GPC5: variants seen among roughly 807,000 people sequenced by gnomAD.
The protein encoded by GPC5 is glypican 5, also known as glypican-5.
Under a neutral mutation model 53.9 loss-of-function variants are expected in GPC5, and 47 were observed. The observed-to-expected ratio is 0.87, with a 90% CI of 0.69 to 1.11. GPC5 has a LOEUF of 1.11. GPC5 is among the 50% of genes most tolerant of loss of function. The probability of loss-of-function intolerance (pLI) is 0.00; values close to 1 mark genes in which losing one functional copy is unlikely to be tolerated. For missense variants in GPC5, 748 were observed against 713.1 expected, an observed-to-expected ratio of 1.05 and a Z score of -0.56; for synonymous variants, 286 against 263.3, an observed-to-expected ratio of 1.09 and a Z score of -0.84.
chr13:91,458,702 TATCTA>T (rs1728964322), intron 2 of GPC5, among the ~76,000 whole-genome samples: 1 of 152,146 alleles, frequency 6.6e-6, no homozygotes, highest in East Asian at 1.9e-4. Flanking sequence ...CACTACTGGA[TATCTA>T]TCCAGAGGAA....
At chr13:91,975,345 G>T (rs1358018923) in intron 6 of GPC5, among the ~76,000 whole-genome samples, 2 of 152,100 alleles carry the variant, frequency 1.3e-5, no homozygotes, top group African/African-American at 4.8e-5. Flanking sequence ...CCTACAAAAT[G>T]GGAGAAAATT....
At chr13:92,395,422 G>C (rs1875223737) in intron 7 of GPC5, among the ~76,000 whole-genome samples, 1 of 152,036 alleles carries the variant, frequency 6.6e-6, no homozygotes, top group African/African-American at 2.4e-5. Flanking sequence ...TAGCACTGTT[G>C]TCATTTATTT....
At chr13:92,443,195 C>T (rs930770431) in intron 7 of GPC5, among the ~76,000 whole-genome samples, 5 of 152,132 alleles carry the variant, frequency 3.3e-5, no homozygotes, top group East Asian at 1.9e-4. Flanking sequence ...CTCTTTCTAA[C>T]AGTGAGCTCT....
chr13:92,094,943 T>C (rs2041410463), intron 6 of GPC5, among the ~76,000 whole-genome samples: 1 of 152,168 alleles, frequency 6.6e-6, no homozygotes, highest in Non-Finnish European at 1.5e-5. Flanking sequence ...TTTTATTCCA[T>C]ATTCCCATTT....
chr13:92,432,690 T>C (rs1402146323), intron 7 of GPC5, among the ~76,000 whole-genome samples: 1 of 152,024 alleles, frequency 6.6e-6, no homozygotes, highest in African/African-American at 2.4e-5. Flanking sequence ...CTAGTTTTTT[T>C]TTAGCTTCAG....
chr13:92,492,269 T>A (rs1403461239), intron 7 of GPC5, among the ~76,000 whole-genome samples: 2 of 151,960 alleles, frequency 1.3e-5, no homozygotes, highest in African/African-American at 4.8e-5. Context: ...ACACATTAAT[T>A]TTCTTTTTTT....
At chr13:92,621,957 A>G (rs1246090546) in intron 7 of GPC5, among the ~76,000 whole-genome samples, 1 of 152,176 alleles carries the variant, frequency 6.6e-6, no homozygotes, top group East Asian at 1.9e-4. Flanking sequence ...AATAATAATA[A>G]TAGAACATAC....
intron 7 of GPC5, among the ~76,000 whole-genome samples, chr13:92,213,331 CAG>C (rs1218362902): frequency 1.3e-5 from 2 of 152,030 alleles, no homozygotes; most frequent in South Asian, 2.1e-4. Context: ...CTTGGGAAGA[CAG>C]ATTTTATTTC....
At chr13:91,994,185 A>G (rs1156462313) in intron 6 of GPC5, among the ~76,000 whole-genome samples, 8 of 152,228 alleles carry the variant, frequency 5.3e-5, no homozygotes, top group Non-Finnish European at 1.0e-4. Flanking sequence ...GAAAACTGCA[A>G]GTGAATATGC....
At chr13:92,316,455 A>C (rs796489060) in intron 7 of GPC5, among the ~76,000 whole-genome samples, 2 of 152,262 alleles carry the variant, frequency 1.3e-5, no homozygotes, top group African/African-American at 4.8e-5. Flanking sequence ...CTTGGCTTTC[A>C]GTATAATTAC....
chr13:91,968,466 T>C (rs1566369128), intron 6 of GPC5, among the ~76,000 whole-genome samples: 1 of 152,128 alleles, frequency 6.6e-6, no homozygotes, highest in Non-Finnish European at 1.5e-5. Context: ...TCTTTTTTTT[T>C]CTTTTTTTGT....
intron 7 of GPC5, among the ~76,000 whole-genome samples, chr13:92,635,232 C>T (rs980128010): frequency 2.0e-5 from 3 of 152,030 alleles, no homozygotes; most frequent in Admixed American, 6.6e-5. Flanking sequence ...TTTGATATTT[C>T]GTAAACAGAG....
intron 7 of GPC5, among the ~76,000 whole-genome samples, chr13:92,298,805 G>A (rs1413955222): frequency 6.6e-6 from 1 of 152,150 alleles, no homozygotes; most frequent in Non-Finnish European, 1.5e-5. Context: ...ACGCTGCTCT[G>A]TCTGTCCCAG....
chr13:92,462,646 C>T (rs536252051), intron 7 of GPC5, among the ~76,000 whole-genome samples: 27 of 151,832 alleles, frequency 1.8e-4, no homozygotes, highest in African/African-American at 6.3e-4. Context: ...AACAGTTGTC[C>T]CAAATTTAGA....
intron 1 of GPC5, among the ~76,000 whole-genome samples, chr13:91,401,010 T>A (rs1876909378): frequency 1.3e-5 from 2 of 152,208 alleles, no homozygotes; most frequent in Admixed American, 1.3e-4. Flanking sequence ...GTAGATTTTT[T>A]AAATCTGTGG....
chr13:92,245,999 C>A (rs1205262131), intron 7 of GPC5, among the ~76,000 whole-genome samples: 1 of 151,668 alleles, frequency 6.6e-6, no homozygotes, highest in Non-Finnish European at 1.5e-5. Context: ...AAAGTAGATC[C>A]CATTTACTGT....
At chr13:92,790,030 C>T (rs192577383) in intron 7 of GPC5, among the ~76,000 whole-genome samples, 5 of 152,192 alleles carry the variant, frequency 3.3e-5, no homozygotes, top group East Asian at 1.9e-4. Context: ...GCATCCAGCA[C>T]GGTAGAAAGA....
At chr13:92,101,048 A>G (rs1176455584) in intron 6 of GPC5, among the ~76,000 whole-genome samples, 3 of 152,216 alleles carry the variant, frequency 2.0e-5, no homozygotes, top group Non-Finnish European at 2.9e-5. Flanking sequence ...TAAAACTTCC[A>G]TGGACATTAA....
chr13:92,229,828 A>T (rs1438482756), intron 7 of GPC5, among the ~76,000 whole-genome samples: 1 of 152,006 alleles, frequency 6.6e-6, no homozygotes, highest in East Asian at 1.9e-4. Flanking sequence ...GGCCTTAAAA[A>T]CTCTTGTAGT....
Sources: gnomAD v4.1 joint callset for allele counts (sites outside exome capture counted in the v4.1 genomes callset) on GRCh38, gnomAD v4.1.1 for gene constraint, MANE v1.5 for transcripts, NCBI Gene and HGNC (gene_info 2026-07-23, HGNC 2026-07-21) for gene names.